Variants in RAB5IF observed in about 807,000 individuals in gnomAD.
RAB5IF encodes GEL complex subunit OPTI.
A neutral mutation model predicts 20.3 loss-of-function variants in RAB5IF; 15 were observed. The observed-to-expected ratio is 0.74, with a 90% CI of 0.50 to 1.14. The LOEUF is 1.14. Ranked by LOEUF, RAB5IF falls within the 50% of genes most tolerant of loss-of-function variation. RAB5IF has a pLI of 0.00. For missense variants in RAB5IF, 148 were observed against 159.5 expected, an observed-to-expected ratio of 0.93 and a Z score of 0.39; for synonymous variants, 67 against 63.7, an observed-to-expected ratio of 1.05 and a Z score of -0.25.
intron 2 of RAB5IF, among the ~76,000 whole-genome samples, chr20:36,609,340 A>G (rs534865622): frequency 2.0e-5 from 3 of 151,512 alleles, no homozygotes; most frequent in East Asian, 1.9e-4. Context: ...TCTGGGTTCA[A>G]GCAGTTCTCC....
intron 1 of RAB5IF, among the ~76,000 whole-genome samples, chr20:36,606,456 G>C (rs1381361233): frequency 6.6e-6 from 1 of 152,236 alleles, no homozygotes; most frequent in African/African-American, 2.4e-5. Context: ...AACAGTAACA[G>C]ACTTCTGCTG....
chr20:36,612,018 G>A lies in RAB5IF; in HGVS notation c.357G>A (p.Trp119Ter), dbSNP rs1480084949. 3.1e-6 allele frequency: 5 copies of A among 1,614,024 alleles called. No individual in the cohort carries two copies. The highest frequency in any genetic ancestry group is 1.3e-5 in the African/African-American group (1 of 74,914). ...MTSFALFMVIWIIFYTAIHYD is the reference protein window; with the variant it reads ...MTSFALFMVI ...GCTTGTCTCCTCACTAGGTCATTTG[G>A]ATCATCTTTTACACTGCCATCCATT... Residue 119 changes from tryptophan (W) to a stop codon, truncating the protein, a stop_gained, in exon 4 of 4, where the codon TGG (tryptophan) becomes TGA (stop). Coordinates refer to ENST00000344795, the MANE Select transcript of RAB5IF (RefSeq NM_018840.5). LOFTEE classifies it high-confidence loss of function.
rs1344213477 is a variant in RAB5IF at position 36,609,206 on chromosome 20, C to G, written c.219-395C>G. On this transcript the variant is annotated intron_variant, in intron 2 of 3. Coordinates refer to ENST00000344795, the MANE Select transcript of RAB5IF (RefSeq NM_018840.5). ...ACACACACACACACGCACACACGCA[C>G]ACACGCACACACGCACACACACACA... Among the ~76,000 whole-genome samples the G allele has an allele frequency of 3.1e-5, 2 of 64,948 alleles. 1 individual carries two copies. The highest frequency in any genetic ancestry group is 5.8e-5 in the Non-Finnish European group (2 of 34,276). The allele number at this position is 64,948 out of a possible 152,430, so 42.6% of individuals were successfully genotyped here.
rs142502467 is a variant in RAB5IF, at chr20:36,612,419, T to TATC, written c.*370_*372dup. On this transcript the variant is annotated 3_prime_UTR_variant, in exon 4 of 4. Coordinates refer to ENST00000344795, the MANE Select transcript of RAB5IF (RefSeq NM_018840.5). The stretch of plus-strand genomic sequence containing the variant: ...TCCATCGGGTGTAGAGTTTTTAAAC[T>TATC]ATCAATGGCATTTCAAGTCTTCTGA... 6.3e-3 allele frequency: 3,891 copies of TATC among 619,658 alleles called. 118 individuals carry two copies. The African/African-American group carries it at 0.065, about 10-fold the overall frequency. The allele number at this position is 619,658 out of a possible 1,614,324, so 38.4% of individuals were successfully genotyped here.
At chr20:36,609,559 A>G in intron 2 of RAB5IF, 42 bp from the exon 3 acceptor site, 1 of 1,540,206 alleles carries the variant, frequency 6.5e-7, no homozygotes, top group Non-Finnish European at 8.7e-7. Context: ...GAGTCTTCTA[A>G]GCTTTCAATT....
chr20:36,609,442 G>A lies in RAB5IF; in HGVS notation c.219-159G>A, dbSNP rs754480477. Among the ~76,000 whole-genome samples the A allele has an allele frequency of 2.6e-5, 4 of 151,952 alleles. No individual in the cohort carries two copies. The East Asian group carries it at 7.7e-4, about 29-fold the overall frequency. ...TTTAGTGGAGATGGGGTTTCACCAT[G>A]TTGGCTAGGCTGGTCTTGAACTCCT... On this transcript the variant is annotated intron_variant, in intron 2 of 3. Coordinates refer to ENST00000344795, the MANE Select transcript of RAB5IF (RefSeq NM_018840.5).
chr20:36,607,113 A>T (rs1232157753), intron 1 of RAB5IF, among the ~76,000 whole-genome samples: 3 of 152,160 alleles, frequency 2.0e-5, no homozygotes, highest in Non-Finnish European at 4.4e-5. Flanking sequence ...TGCCTCCAGC[A>T]TTTATGGTTC....
At position 36,609,164 on chromosome 20, in the gene RAB5IF, C is replaced by CATAT. The variant is rs1568595314; in HGVS notation, c.219-436_219-435insTATA. ...GCTTTGGAGAACTATATTACACACACACACACACACACACACACACACACA... is the reference window on the plus strand; with the variant it reads ...GCTTTGGAGAACTATATTACACACACATATACACACACACACACACACACACACA... On this transcript the variant is annotated intron_variant, in intron 2 of 3. Coordinates refer to ENST00000344795, the MANE Select transcript of RAB5IF (RefSeq NM_018840.5). Among the ~76,000 whole-genome samples, 305 of 49,658 alleles carry CATAT rather than the reference C, an allele frequency of 6.1e-3. 80 individuals are homozygous for CATAT. Among genetic ancestry groups the CATAT allele is most frequent in the East Asian group, 0.011 (13 of 1,156 alleles). The allele number at this position is 49,658 out of a possible 152,430, so 32.6% of individuals were successfully genotyped here.
intron 2 of RAB5IF, among the ~76,000 whole-genome samples, chr20:36,609,223 A>ACACACACACACACACACACACACC (rs2039036108): frequency 8.5e-6 from 1 of 117,660 alleles, no homozygotes; most frequent in South Asian, 2.8e-4. Context: ...ACACACGCAC[A>ACACACACACACACACACACACACC]CACACACACA....
In RAB5IF at chr20:36,608,619, A is replaced by T. The variant is rs1223876486; in HGVS notation, c.218+801A>T. 2.2e-5 allele frequency among the ~76,000 whole-genome samples: 3 copies of T among 135,132 alleles called. No homozygotes were observed. The East Asian group carries it at 6.4e-4, about 29-fold the overall frequency. 88.7% of individuals were successfully genotyped at this position (135,132 alleles called of 152,430 possible). A position where few individuals can be genotyped will look rare whatever the true frequency, so the allele number is the denominator to read the frequency against. On this transcript the variant is annotated intron_variant, in intron 2 of 3. Transcript: ENST00000344795. Reference sequence around the variant, plus strand: ...TTCTCTGTCGCCCAGGCAGGCGTGTACTGGCGTGATCTCGGCTCACTGCAA... The same window carrying T: ...TTCTCTGTCGCCCAGGCAGGCGTGTTCTGGCGTGATCTCGGCTCACTGCAA...
intron 2 of RAB5IF, among the ~76,000 whole-genome samples, chr20:36,609,183 A>C (rs1223466137): frequency 6.8e-5 from 3 of 43,852 alleles, no homozygotes; most frequent in Admixed American, 2.4e-4. Context: ...ACACACACAC[A>C]CACACACACA....
At chr20:36,609,156 T>TACATACATACATATACAC in intron 2 of RAB5IF, among the ~76,000 whole-genome samples, 609 of 17,054 alleles carry the variant, frequency 0.036, 209 homozygotes, top group Non-Finnish European at 0.045. Context: ...AGAACTATAT[T>TACATACATACATATACAC]ACACACACAC....
chr20:36,607,239 T>C (rs1227294399), intron 1 of RAB5IF, among the ~76,000 whole-genome samples: 2 of 152,012 alleles, frequency 1.3e-5, no homozygotes, highest in African/African-American at 2.4e-5. Context: ...AAGTGATCGC[T>C]TAATGATGTC....
chr20:36,609,764 GTTCAT>G (rs759966641), intron 3 of RAB5IF, 34 bp downstream of exon 3: 2 of 1,614,094 alleles, frequency 1.2e-6, no homozygotes, highest in Non-Finnish European at 1.7e-6. Context: ...AACAGGTACT[GTTCAT>G]TTCATGAGGT....
intron 2 of RAB5IF, among the ~76,000 whole-genome samples, chr20:36,609,168 C>A: frequency 2.3e-5 from 1 of 43,922 alleles, no homozygotes; most frequent in Non-Finnish European, 4.9e-5. Context: ...CACACACACA[C>A]ACACACACAC....
intron 2 of RAB5IF, among the ~76,000 whole-genome samples, chr20:36,609,202 C>CACACACACACACACACACACA (rs2039029481): frequency 2.0e-5 from 1 of 50,848 alleles, no homozygotes; most frequent in Non-Finnish European, 3.7e-5. Context: ...CACGCACACA[C>CACACACACACACACACACACA]GCACACACGC....
intron 1 of RAB5IF, among the ~76,000 whole-genome samples, chr20:36,606,566 A>C (rs1196428679): frequency 6.6e-6 from 1 of 152,216 alleles, no homozygotes; most frequent in Non-Finnish European, 1.5e-5. Context: ...CCTTTTGCAC[A>C]TAGTGAGGCT....
chr20:36,607,156 T>C (rs2038953601), intron 1 of RAB5IF, among the ~76,000 whole-genome samples: 1 of 152,200 alleles, frequency 6.6e-6, no homozygotes, highest in Non-Finnish European at 1.5e-5. Flanking sequence ...GCACAATTAT[T>C]ATCACAGTCA....
Position 36,609,658 on chromosome 20 carries a change from T to G in RAB5IF, c.276T>G (p.Ile92Met). Residue 92 changes from isoleucine to methionine, a missense_variant, in exon 3 of 4, where the codon ATT becomes ATG. Physicochemically the swap from Ile to Met is conservative, Grantham distance 10 (BLOSUM62 1). Transcript: ENST00000344795. Reference protein sequence around the residue: ...LYLYFSNYLQIDEEEYGGTWE... With the variant: ...LYLYFSNYLQMDEEEYGGTWE... The stretch of plus-strand genomic sequence containing the variant: ...TCTACTTCAGCAATTACCTACAGAT[T>G]GATGAGGAAGAATATGGTGGCACGT... 6.2e-7 allele frequency: 1 copy of G among 1,613,862 alleles called. No homozygotes were observed. Among genetic ancestry groups the G allele is most frequent in the East Asian group, 2.2e-5 (1 of 44,886 alleles).
Sources: gnomAD v4.1 joint callset for allele counts (sites outside exome capture counted in the v4.1 genomes callset) on GRCh38, gnomAD v4.1.1 for gene constraint, MANE v1.5 for transcripts, NCBI Gene and HGNC (gene_info 2026-07-23, HGNC 2026-07-21) for gene names.